CCDC7: variants seen among roughly 807,000 people sequenced by gnomAD.
CCDC7 encodes coiled-coil domain containing 7, also known as coiled-coil domain-containing protein 7.
CCDC7 carries 183 observed loss-of-function variants against 196.9 expected under a neutral mutation model. The observed-to-expected ratio is 0.93, with a 90% CI of 0.82 to 1.05. The LOEUF is 1.05. CCDC7 is among the 50% of genes least tolerant of loss of function. The probability of loss-of-function intolerance (pLI) is 0.00; values close to 1 mark genes in which losing one functional copy is unlikely to be tolerated. For synonymous variants in CCDC7, 525 were observed against 484.6 expected (o/e 1.08, Z -1.10); for missense variants, 1,540 against 1,482.2 (o/e 1.04, Z -0.64).
At chr10:32,653,946 C>T (rs1464994092) in intron 20 of CCDC7, among the ~76,000 whole-genome samples, 1 of 152,064 alleles carries the variant, frequency 6.6e-6, no homozygotes, top group Non-Finnish European at 1.5e-5. Context: ...CTGGAATGCC[C>T]ATTATGTGTA....
At chr10:32,814,062 A>T (rs72782302) in intron 30 of CCDC7, among the ~76,000 whole-genome samples, 13,073 of 152,098 alleles carry the variant, frequency 0.086, 884 homozygotes, top group South Asian at 0.25. Flanking sequence ...GGTTTGAGTG[A>T]TTCTTCTGCC....
chr10:32,546,491 A>G (rs908458589), intron 13 of CCDC7, among the ~76,000 whole-genome samples: 1 of 152,216 alleles, frequency 6.6e-6, no homozygotes, highest in African/African-American at 2.4e-5. Flanking sequence ...ACCATCTAGC[A>G]TTATATCACC....
At chr10:32,490,568 G>A (rs1195506750) in intron 8 of CCDC7, among the ~76,000 whole-genome samples, 1 of 152,126 alleles carries the variant, frequency 6.6e-6, no homozygotes, top group Non-Finnish European at 1.5e-5. Context: ...AGGCCCAGAC[G>A]GGCTGATCAT....
intron 26 of CCDC7, among the ~76,000 whole-genome samples, chr10:32,728,112 A>G (rs2083389246): frequency 6.6e-6 from 1 of 152,030 alleles, no homozygotes; most frequent in Admixed American, 6.6e-5. Context: ...CTCCCCCTTG[A>G]GTGAAGCTTC....
Position 32,482,882 on chromosome 10 carries a change from T to C in CCDC7, c.796+8859T>C, listed in dbSNP as rs541600459. Among the ~76,000 whole-genome samples, 197 of 152,362 alleles carry C rather than the reference T, an allele frequency of 1.3e-3. 1 individual carries two copies. Among genetic ancestry groups the C allele is most frequent in the African/African-American group, 4.5e-3 (186 of 41,590 alleles). On this transcript the variant is annotated intron_variant, in intron 8 of 41. Coordinates refer to ENST00000639629, the Ensembl canonical transcript of CCDC7. ...CATGGTGTATACATGCCACATTTTC[T>C]TAATCCAGTCTATCATTGTTGGACA... is the stretch of plus-strand genomic sequence containing the variant.
chr10:32,725,521 T>G (rs1301243520), intron 25 of CCDC7: 1 of 406,650 alleles, frequency 2.5e-6, no homozygotes, highest in African/African-American at 2.1e-5. Context: ...GAATATTGTG[T>G]TCATGCATTT....
In CCDC7 at chr10:32,697,157, A is replaced by C. The variant is rs148511274; in HGVS notation, c.2458+2165A>C. Among the ~76,000 whole-genome samples, 47 of 152,338 alleles carry C rather than the reference A, an allele frequency of 3.1e-4. No homozygotes were observed. The East Asian group carries it at 7.5e-3, about 24-fold the overall frequency. ...TGGTCCCATGTGAGGCATGAAAGACAGTGACAGATCATCAGGCATTAGATT... is the reference window on the plus strand; with the variant it reads ...TGGTCCCATGTGAGGCATGAAAGACCGTGACAGATCATCAGGCATTAGATT... On this transcript the variant is annotated intron_variant, in intron 24 of 41. Coordinates refer to ENST00000639629, the Ensembl canonical transcript of CCDC7.
At chr10:32,757,069 G>A (rs11009067) in intron 28 of CCDC7, among the ~76,000 whole-genome samples, 21,040 of 152,116 alleles carry the variant, frequency 0.14, 1,759 homozygotes, top group East Asian at 0.25. Context: ...AAATATATAT[G>A]CACCCAATAC....
At chr10:32,480,589 T>C (rs2039788946) in intron 8 of CCDC7, among the ~76,000 whole-genome samples, 1 of 151,928 alleles carries the variant, frequency 6.6e-6, no homozygotes. Flanking sequence ...TAAGATATTT[T>C]TTGATTTCTT....
At chr10:32,450,639 G>A (rs1321620475), upstream of CCDC7, among the ~76,000 whole-genome samples, 2 of 152,020 alleles carry the variant, frequency 1.3e-5, no homozygotes, top group Non-Finnish European at 2.9e-5. Context: ...AAAAATAGAG[G>A]AATAAAAGCC....
intron 28 of CCDC7, among the ~76,000 whole-genome samples, chr10:32,738,617 G>A (rs936921775): frequency 5.3e-5 from 8 of 151,498 alleles, no homozygotes; most frequent in African/African-American, 1.9e-4. Flanking sequence ...GGGACTACAG[G>A]CACATGCCAC....
intron 24 of CCDC7, among the ~76,000 whole-genome samples, chr10:32,696,001 T>G (rs1350990663): frequency 6.6e-6 from 1 of 152,070 alleles, no homozygotes; most frequent in African/African-American, 2.4e-5. Context: ...AAGACTTTTT[T>G]TTTTTTTAAT....
chr10:32,594,130 T>A (rs2060065461), intron 18 of CCDC7, among the ~76,000 whole-genome samples: 1 of 152,222 alleles, frequency 6.6e-6, no homozygotes. Context: ...ATCTATAAAT[T>A]ACGTTGGGCA....
chr10:32,805,985 G>C (rs536822770), intron 30 of CCDC7, among the ~76,000 whole-genome samples: 6 of 152,160 alleles, frequency 3.9e-5, no homozygotes, highest in Admixed American at 2.6e-4. Flanking sequence ...AGGAGCAAGA[G>C]AAAGAAGGGG....
At chr10:32,834,951 G>T (rs746547255) in intron 33 of CCDC7, 53 bp downstream of exon 34, 134 of 704,096 alleles carry the variant, frequency 1.9e-4, no homozygotes, top group Non-Finnish European at 3.1e-4. Flanking sequence ...TAGCTCTGAA[G>T]TTAAATATGG....
At chr10:32,737,411 T>A (rs2085041648) in intron 28 of CCDC7, among the ~76,000 whole-genome samples, 1 of 152,170 alleles carries the variant, frequency 6.6e-6, no homozygotes, top group African/African-American at 2.4e-5. Context: ...CTTTTGTTCT[T>A]TTAAATTTGT....
At chr10:32,820,639 C>T (rs915422267) in intron 31 of CCDC7, among the ~76,000 whole-genome samples, 2 of 152,126 alleles carry the variant, frequency 1.3e-5, no homozygotes, top group Non-Finnish European at 2.9e-5. Flanking sequence ...TGGAACAGGA[C>T]ATAGCCCTCA....
chr10:32,579,108 A>G (rs1337179973), intron 16 of CCDC7, among the ~76,000 whole-genome samples: 4 of 152,188 alleles, frequency 2.6e-5, no homozygotes, highest in African/African-American at 2.4e-5. Flanking sequence ...TCAGCTACAT[A>G]TGTGTGTCAG....
intron 20 of CCDC7, among the ~76,000 whole-genome samples, chr10:32,638,809 C>T (rs2066154928): frequency 6.6e-6 from 1 of 152,058 alleles, no homozygotes; most frequent in South Asian, 2.1e-4. Context: ...GGAATGGTAC[C>T]AGCTTCTCCT....
Sources: gnomAD v4.1 joint callset for allele counts (sites outside exome capture counted in the v4.1 genomes callset) on GRCh38, gnomAD v4.1.1 for gene constraint, MANE v1.5 for transcripts, NCBI Gene and HGNC (gene_info 2026-07-23, HGNC 2026-07-21) for gene names.